The following SLC9B2 variants were observed in gnomAD, a reference collection of about 807,000 sequenced individuals.
The protein encoded by SLC9B2 is solute carrier family 9 member B2, also known as sodium/hydrogen exchanger 9B2.
SLC9B2 carries 39 observed loss-of-function variants against 52.2 expected under a neutral mutation model. That is an observed-to-expected ratio of 0.75 (90% CI 0.58 to 0.98). SLC9B2 has a LOEUF of 0.98. SLC9B2 is among the 50% of genes least tolerant of loss of function. SLC9B2 has a pLI of 0.00. For synonymous variants in SLC9B2, 214 were observed against 227.0 expected, an observed-to-expected ratio of 0.94 and a Z score of 0.51; for missense variants, 626 against 637.5, an observed-to-expected ratio of 0.98 and a Z score of 0.19.
At chr4:103,075,728 G>A (rs750849095) in intron 1 of SLC9B2, among the ~76,000 whole-genome samples, 1 of 152,126 alleles carries the variant, frequency 6.6e-6, no homozygotes, top group Non-Finnish European at 1.5e-5. Flanking sequence ...AAGGTCTTAG[G>A]GGATAGCAAA....
At chr4:103,018,794 A>G (rs1170478875), downstream of SLC9B2, among the ~76,000 whole-genome samples, 1 of 152,016 alleles carries the variant, frequency 6.6e-6, no homozygotes, top group African/African-American at 2.4e-5. Flanking sequence ...GGGATCCCCA[A>G]CCCCTGGGCA....
At position 103,026,299 on chromosome 4, in the gene SLC9B2, T is replaced by G; in HGVS notation, c.*71A>C. ...TTACATTTTAAGCTTAAACATTACA[T>G]ATTTCAATATGCATCTTGAAAAAAG... is the stretch of plus-strand genomic sequence containing the variant. On this transcript the variant is annotated 3_prime_UTR_variant, in exon 12 of 12. Transcript: ENST00000394785. The G allele has an allele frequency of 7.5e-7, 1 of 1,329,482 alleles. No individual in the cohort carries two copies. The highest frequency in any genetic ancestry group is 2.2e-5 in the Admixed American group (1 of 45,160). 82.4% of individuals were successfully genotyped at this position (1,329,482 alleles called of 1,614,324 possible).
chr4:103,070,849 A>G (rs1399142072), intron 1 of SLC9B2, among the ~76,000 whole-genome samples: 1 of 152,214 alleles, frequency 6.6e-6, no homozygotes, highest in African/African-American at 2.4e-5. Context: ...ATAGAGGCAA[A>G]TTGAGAGCAG....
chr4:103,061,389 C>G (rs1449114546), intron 3 of SLC9B2, among the ~76,000 whole-genome samples: 1 of 152,088 alleles, frequency 6.6e-6, no homozygotes, highest in Non-Finnish European at 1.5e-5. Context: ...AACCATCATT[C>G]TCAGCAAACT....
chr4:103,035,022 T>A (rs546849647), intron 9 of SLC9B2, among the ~76,000 whole-genome samples: 1 of 152,318 alleles, frequency 6.6e-6, no homozygotes, highest in South Asian at 2.1e-4. Context: ...CATGTGCAGG[T>A]TTGTTACATA....
intron 9 of SLC9B2, among the ~76,000 whole-genome samples, chr4:103,034,742 C>A (rs1042489480): frequency 1.3e-5 from 2 of 151,984 alleles, no homozygotes; most frequent in African/African-American, 4.8e-5. Flanking sequence ...AAATCAAAAC[C>A]AAAATGAGAC....
At chr4:103,034,559 A>T (rs1742998590) in intron 9 of SLC9B2, among the ~76,000 whole-genome samples, 1 of 152,198 alleles carries the variant, frequency 6.6e-6, no homozygotes, top group Non-Finnish European at 1.5e-5. Flanking sequence ...TGCATCTGAC[A>T]AAGGTCTAAT....
chr4:103,051,799 C>T (rs542400400), intron 4 of SLC9B2, among the ~76,000 whole-genome samples: 57 of 152,244 alleles, frequency 3.7e-4, no homozygotes, highest in African/African-American at 1.1e-3. Flanking sequence ...ACAAATAGGA[C>T]ACTTATACAC....
chr4:103,032,342 TTTAAGG>T (rs1397701167), intron 9 of SLC9B2, among the ~76,000 whole-genome samples: 1 of 152,140 alleles, frequency 6.6e-6, no homozygotes. Flanking sequence ...AAAAATACTG[TTTAAGG>T]TTATCTCAAA....
intron 3 of SLC9B2, among the ~76,000 whole-genome samples, chr4:103,059,258 A>T (rs1051792931): frequency 1.3e-5 from 2 of 152,194 alleles, no homozygotes; most frequent in African/African-American, 4.8e-5. Context: ...TTTGTGTCCC[A>T]TACAGGCAGT....
rs79408065 is a variant in SLC9B2, at chr4:103,030,933, T to A, written c.1255+767A>T. On this transcript the variant is annotated intron_variant, in intron 10 of 11. Transcript: ENST00000394785. The stretch of plus-strand genomic sequence containing the variant: ...TAAGTGGAATCATACAGGGTTAGTC[T>A]TTTTCTGACTGGCTTATTTCGCTTA... Among the ~76,000 whole-genome samples, 343 of 152,244 alleles carry A rather than the reference T, an allele frequency of 2.3e-3. 2 individuals are homozygous for A. Among genetic ancestry groups the A allele is most frequent in the African/African-American group, 7.7e-3 (322 of 41,560 alleles).
At position 103,022,311 on chromosome 4, in the gene SLC9B2, G is replaced by T. The variant is rs1741845303; in HGVS notation, c.*4059C>A. ...AAAATGAATATCTGAATATAAACAT[G>T]AAGGCTTAGCATTCATTATATACAA... On this transcript the variant is annotated 3_prime_UTR_variant, in exon 12 of 12. Coordinates refer to ENST00000394785, the MANE Select transcript of SLC9B2 (RefSeq NM_178833.7). 6.6e-6 allele frequency among the ~76,000 whole-genome samples: 1 copy of T among 152,134 alleles called. No individual in the cohort carries two copies. The highest frequency in any genetic ancestry group is 1.5e-5 in the Non-Finnish European group (1 of 68,020).
intron 7 of SLC9B2, among the ~76,000 whole-genome samples, chr4:103,046,159 C>T (rs1445397750): frequency 6.6e-6 from 1 of 152,128 alleles, no homozygotes; most frequent in Non-Finnish European, 1.5e-5. Context: ...GGGGAGATAA[C>T]TATAGGGAGA....
intron 1 of SLC9B2, among the ~76,000 whole-genome samples, chr4:103,068,355 G>A (rs1044672581): frequency 1.6e-4 from 24 of 152,182 alleles, no homozygotes; most frequent in Non-Finnish European, 1.5e-4. Flanking sequence ...CACTTTTGTA[G>A]GTAGAGGTGG....
chr4:103,035,128 C>T (rs916720719), intron 9 of SLC9B2, among the ~76,000 whole-genome samples: 4 of 152,212 alleles, frequency 2.6e-5, no homozygotes, highest in South Asian at 2.1e-4. Flanking sequence ...TGGTCCTCTC[C>T]CTCCTCCCAC....
At chr4:103,051,088 T>C (rs1744637593) in intron 4 of SLC9B2, among the ~76,000 whole-genome samples, 3 of 151,970 alleles carry the variant, frequency 2.0e-5, no homozygotes, top group African/African-American at 7.2e-5. Flanking sequence ...GGAAGGGGGA[T>C]TTAGAGAAGG....
At chr4:103,044,296 C>T (rs1442651442) in intron 8 of SLC9B2, among the ~76,000 whole-genome samples, 1 of 152,104 alleles carries the variant, frequency 6.6e-6, no homozygotes, top group Non-Finnish European at 1.5e-5. Context: ...CAGTGTTTTC[C>T]AATAGAATGT....
chr4:103,068,441 T>C (rs1446965194), intron 1 of SLC9B2, among the ~76,000 whole-genome samples: 1 of 152,166 alleles, frequency 6.6e-6, no homozygotes, highest in African/African-American at 2.4e-5. Flanking sequence ...TACTTTGTAC[T>C]TTTTGTCCTC....
chr4:103,028,554 T>C (rs1330195300), intron 11 of SLC9B2, among the ~76,000 whole-genome samples, 193 bp downstream of exon 11: 1 of 152,180 alleles, frequency 6.6e-6, no homozygotes, highest in Non-Finnish European at 1.5e-5. Flanking sequence ...TAAGGAAATT[T>C]AATGAGCTAT....
Sources: allele counts gnomAD v4.1 joint callset (sites outside exome capture counted in the v4.1 genomes callset), GRCh38; gene constraint gnomAD v4.1.1; transcripts MANE v1.5; gene names NCBI Gene and HGNC (gene_info 2026-07-23, HGNC 2026-07-21).